PGBD5: variants seen among roughly 807,000 people sequenced by gnomAD.
PGBD5 encodes piggyBac transposable element derived 5.
In PGBD5, 14 loss-of-function variants were observed where a neutral mutation model predicts 47.9. That is an observed-to-expected ratio of 0.29 (90% CI 0.19 to 0.46). PGBD5 has a LOEUF of 0.46. Ranked by LOEUF, PGBD5 falls within the 20% of genes least tolerant of loss-of-function variation. The pLI is 1.00. For synonymous variants in PGBD5, 316 were observed against 306.3 expected (o/e 1.03, Z -0.33); for missense variants, 635 against 716.0 (o/e 0.89, Z 1.29).
At chr1:230,330,278 T>G (rs79814270) in intron 5 of PGBD5, among the ~76,000 whole-genome samples, 3,916 of 152,326 alleles carry the variant, frequency 0.026, 68 homozygotes, top group South Asian at 0.072. Flanking sequence ...CCCGCTGCGA[T>G]GGTAGAGAAG....
At chr1:230,383,796 G>A (rs1184372352) in intron 1 of PGBD5, among the ~76,000 whole-genome samples, 1 of 152,198 alleles carries the variant, frequency 6.6e-6, no homozygotes, top group African/African-American at 2.4e-5. Context: ...CCTGGCTTTT[G>A]CCTCTATTTC....
rs531973989 is a variant in PGBD5 at position 230,408,139 on chromosome 1, G to A, written c.331+17459C>T. Among the ~76,000 whole-genome samples the A allele has an allele frequency of 2.6e-5, 4 of 152,192 alleles. No individual in the cohort carries two copies. In the South Asian group the frequency reaches 8.3e-4, roughly 32 times the overall value. On this transcript the variant is annotated intron_variant, in intron 1 of 6. Transcript: ENST00000391860. ...ACAAATGTGTGGTAGAGTGACTACA[G>A]GTACAATCAAGCCACTGACAGCATG... is the stretch of plus-strand genomic sequence containing the variant.
At chr1:230,411,512 AC>A (rs1351633470) in intron 1 of PGBD5, among the ~76,000 whole-genome samples, 1 of 152,224 alleles carries the variant, frequency 6.6e-6, no homozygotes, top group Non-Finnish European at 1.5e-5. Context: ...AGAAAAAGTC[AC>A]CATGACCAGA....
chr1:230,350,921 C>T lies in PGBD5; in HGVS notation c.894+37G>A, dbSNP rs750773797. ...CGCCCGGATTTTCTTCCCCGACCCT[C>T]TTCACCGACCCTCCCCGGGCTCAGC... is the stretch of plus-strand genomic sequence containing the variant. On this transcript the variant is annotated intron_variant, in intron 3 of 6. Coordinates refer to ENST00000391860, the MANE Select transcript of PGBD5 (RefSeq NM_001258311.2). The T allele has an allele frequency of 6.2e-5, 99 of 1,606,516 alleles. No individual in the cohort carries two copies. In the East Asian group the frequency reaches 2.0e-3, roughly 33 times the overall value.
At chr1:230,380,699 A>C (rs953458166) in intron 1 of PGBD5, among the ~76,000 whole-genome samples, 2 of 152,222 alleles carry the variant, frequency 1.3e-5, no homozygotes, top group Admixed American at 6.5e-5. Flanking sequence ...TGAAGAGGGA[A>C]GCTATACAGG....
chr1:230,378,994 G>A (rs1571849208), intron 1 of PGBD5, among the ~76,000 whole-genome samples: 1 of 152,132 alleles, frequency 6.6e-6, no homozygotes, highest in Non-Finnish European at 1.5e-5. Flanking sequence ...TTGAGGGGAC[G>A]TTTTTCTGTT....
intron 1 of PGBD5, among the ~76,000 whole-genome samples, chr1:230,384,904 T>C (rs554535738): frequency 6.6e-6 from 1 of 152,358 alleles, no homozygotes; most frequent in African/African-American, 2.4e-5. Flanking sequence ...TGCTGACTTC[T>C]TAGCTGCTGT....
chr1:230,374,955 C>T (rs1175852169), intron 1 of PGBD5, among the ~76,000 whole-genome samples: 2 of 152,214 alleles, frequency 1.3e-5, no homozygotes, highest in East Asian at 3.8e-4. Flanking sequence ...CCGTGGCCCT[C>T]CTTGAGCCTG....
chr1:230,421,791 G>T (rs1262597557), intron 1 of PGBD5, among the ~76,000 whole-genome samples: 1 of 152,056 alleles, frequency 6.6e-6, no homozygotes, highest in Non-Finnish European at 1.5e-5. Flanking sequence ...AGTTCCTCCT[G>T]GAGCCACAGA....
intron 5 of PGBD5, among the ~76,000 whole-genome samples, chr1:230,329,122 TGG>T (rs77950968): frequency 1.3e-5 from 2 of 150,566 alleles, no homozygotes; most frequent in Admixed American, 1.3e-4. Flanking sequence ...AATTTTTTTT[TGG>T]GGGGGGAGGT....
rs530609404 is a variant in PGBD5 at position 230,356,909 on chromosome 1, C to T, written c.744G>A (p.Arg248=). ...TGGGCCTCACCTGGGTTTGGGAAGG[C>T]CTGAAGGCAGAGTCGAAGCTGTTCT... ...SLQNSFDSAF[R]PSQTQVLHEP... Residue 248 remains arginine, a synonymous_variant, in exon 2 of 7, where the codon AGG becomes AGA. Transcript: ENST00000391860. 25 of 1,613,454 alleles carry T rather than the reference C, an allele frequency of 1.5e-5. No individual in the cohort carries two copies. In the East Asian group the frequency reaches 4.9e-4, roughly 32 times the overall value.
At chr1:230,370,240 C>A (rs1014788831) in intron 1 of PGBD5, among the ~76,000 whole-genome samples, 2 of 152,196 alleles carry the variant, frequency 1.3e-5, no homozygotes, top group Non-Finnish European at 2.9e-5. Flanking sequence ...CCCATCGTGG[C>A]CTCCAGGCTG....
intron 1 of PGBD5, among the ~76,000 whole-genome samples, chr1:230,411,433 A>G (rs1657405560): frequency 6.6e-6 from 1 of 152,256 alleles, no homozygotes; most frequent in Non-Finnish European, 1.5e-5. Context: ...ACAAATTTGA[A>G]AGCCTTAGAA....
intron 1 of PGBD5, among the ~76,000 whole-genome samples, chr1:230,405,421 C>T (rs183584659): frequency 1.3e-5 from 2 of 152,154 alleles, no homozygotes; most frequent in Admixed American, 1.3e-4. Flanking sequence ...TATATTTTCT[C>T]TTTCTTATGA....
At position 230,325,299 on chromosome 1, in the gene PGBD5, CA is replaced by C. The variant is rs1558189618; in HGVS notation, c.1379+10del. 1 of 1,602,190 alleles carries C rather than the reference CA, an allele frequency of 6.2e-7. No homozygotes were observed. The highest frequency in any genetic ancestry group is 1.3e-5 in the African/African-American group (1 of 74,570). On this transcript the variant is annotated intron_variant, in intron 6 of 6. Transcript: ENST00000391860. ...AGAGCCCTTCTGTCATGGAGGTGCCCAGCCACTTACTTGCTGTATTTGTCAT... is the reference window on the plus strand; with the variant it reads ...AGAGCCCTTCTGTCATGGAGGTGCCCGCCACTTACTTGCTGTATTTGTCAT...
At position 230,325,347 on chromosome 1, in the gene PGBD5, G is replaced by A; in HGVS notation, c.1342C>T (p.Leu448=). ...PLAVEAFAAH[L]SYICRYDDKY... is the part of the protein sequence containing the mutation. ...TCATCGTATCTGCAGATGTAGCTCAGGTGAGCGGCAAACGCCTCCACGGCC... is the reference window on the plus strand; with the variant it reads ...TCATCGTATCTGCAGATGTAGCTCAAGTGAGCGGCAAACGCCTCCACGGCC... The change falls in exon 6 of 7, where the codon CTG becomes TTG. Residue 448 remains leucine, a synonymous_variant. Transcript: ENST00000391860. 2.5e-6 allele frequency: 4 copies of A among 1,613,830 alleles called. No individual in the cohort carries two copies. Among genetic ancestry groups the A allele is most frequent in the Non-Finnish European group, 3.4e-6 (4 of 1,179,860 alleles).
intron 2 of PGBD5, among the ~76,000 whole-genome samples, chr1:230,356,602 A>G (rs972821446): frequency 6.6e-6 from 1 of 152,234 alleles, no homozygotes; most frequent in African/African-American, 2.4e-5. Flanking sequence ...ACCATTTGGA[A>G]AGTATAATTA....
intron 1 of PGBD5, among the ~76,000 whole-genome samples, chr1:230,370,915 AGACG>A (rs1302705812): frequency 2.0e-5 from 3 of 152,236 alleles, no homozygotes; most frequent in Non-Finnish European, 2.9e-5. Flanking sequence ...CCTCAGGCAC[AGACG>A]GAGTAGGCAC....
intron 1 of PGBD5, among the ~76,000 whole-genome samples, chr1:230,383,604 C>T (rs548884293): frequency 2.0e-5 from 3 of 152,146 alleles, no homozygotes; most frequent in Non-Finnish European, 4.4e-5. Context: ...ACTCCTGGCT[C>T]AAGCGATCCT....
Sources: allele counts gnomAD v4.1 joint callset (sites outside exome capture counted in the v4.1 genomes callset), GRCh38; gene constraint gnomAD v4.1.1; transcripts MANE v1.5; gene names NCBI Gene and HGNC (gene_info 2026-07-23, HGNC 2026-07-21).